Variants in METTL24 observed in about 807,000 individuals in gnomAD.
METTL24 encodes methyltransferase like 24, also known as probable methyltransferase-like protein 24.
METTL24 carries 29 observed loss-of-function variants against 32.7 expected under a neutral mutation model. The observed-to-expected ratio is 0.89, with a 90% CI of 0.66 to 1.21. The LOEUF is 1.21. Among genes scored for constraint, METTL24 ranks in the 50% most tolerant of loss-of-function variants. The pLI is 0.00. For synonymous variants in METTL24, 163 were observed against 179.5 expected (o/e 0.91, Z 0.73); for missense variants, 439 against 468.1 (o/e 0.94, Z 0.57).
intron 1 of METTL24, among the ~76,000 whole-genome samples, chr6:110,332,985 ATC>A (rs147496945): frequency 2.7e-5 from 4 of 150,678 alleles, no homozygotes; most frequent in African/African-American, 9.7e-5. Context: ...TGTAAGGATT[ATC>A]TCTCTCTCTC....
intron 4 of METTL24, among the ~76,000 whole-genome samples, chr6:110,248,420 T>G (rs1215755822): frequency 6.6e-6 from 1 of 152,224 alleles, no homozygotes; most frequent in Non-Finnish European, 1.5e-5. Flanking sequence ...TTGCCTTGGA[T>G]TGTACCTCCT....
chr6:110,270,007 C>G (rs975575404), intron 4 of METTL24, among the ~76,000 whole-genome samples: 6 of 152,116 alleles, frequency 3.9e-5, no homozygotes. Flanking sequence ...ACTTTTATTT[C>G]TTTGTTGATA....
At chr6:110,303,098 G>A (rs1322334559) in intron 3 of METTL24, among the ~76,000 whole-genome samples, 2 of 152,072 alleles carry the variant, frequency 1.3e-5, no homozygotes, top group Non-Finnish European at 2.9e-5. Context: ...AAGCCATGAG[G>A]GACCCTGCCA....
chr6:110,286,491 G>T lies in METTL24; in HGVS notation c.786+12431C>A, dbSNP rs73763010. Among the ~76,000 whole-genome samples, 1,165 of 152,248 alleles carry T rather than the reference G, an allele frequency of 7.7e-3. 9 individuals are homozygous for T. The highest frequency in any genetic ancestry group is 0.027 in the African/African-American group (1,111 of 41,548). On this transcript the variant is annotated intron_variant, in intron 4 of 4. Coordinates refer to ENST00000338882, the MANE Select transcript of METTL24 (RefSeq NM_001123364.3). ...ATGGTGTGTTGTTGATACTGTTTTG[G>T]TTTGTTGTCCAGCGTCCCCCATTCT...
At chr6:110,268,794 C>A (rs2114706984) in intron 4 of METTL24, among the ~76,000 whole-genome samples, 2 of 152,202 alleles carry the variant, frequency 1.3e-5, no homozygotes, top group South Asian at 4.2e-4. Flanking sequence ...TTAATATAAT[C>A]ACATAATAGG....
chr6:110,321,129 C>G (rs573122684), intron 2 of METTL24, among the ~76,000 whole-genome samples: 2 of 152,034 alleles, frequency 1.3e-5, no homozygotes, highest in Admixed American at 1.3e-4. Flanking sequence ...CCCAGCTACT[C>G]GGGAGGCTGA....
chr6:110,350,691 C>T (rs886835856), intron 1 of METTL24, among the ~76,000 whole-genome samples: 1 of 150,908 alleles, frequency 6.6e-6, no homozygotes, highest in African/African-American at 2.4e-5. Context: ...TTTGGGAGGC[C>T]AAGGTGGGAG....
At chr6:110,296,506 G>A (rs2334324) in intron 4 of METTL24, among the ~76,000 whole-genome samples, 20,102 of 152,052 alleles carry the variant, frequency 0.13, 3,060 homozygotes, top group African/African-American at 0.37. Context: ...TATAGTTTGA[G>A]GTTAAAATTA....
At position 110,275,995 on chromosome 6, in the gene METTL24, A is replaced by G. The variant is rs1771040606; in HGVS notation, c.786+22927T>C. 2.0e-5 allele frequency among the ~76,000 whole-genome samples: 3 copies of G among 152,118 alleles called. No individual in the cohort carries two copies. In the South Asian group the frequency reaches 6.2e-4, roughly 32 times the overall value. ...CCTCCTGTGCCTTCCCAGCCACAGC[A>G]TTCATTGTCAGATGCCCTCTGGCCA... On this transcript the variant is annotated intron_variant, in intron 4 of 4. Transcript: ENST00000338882.
chr6:110,353,316 C>A (rs1313528241), intron 1 of METTL24, among the ~76,000 whole-genome samples: 2 of 152,132 alleles, frequency 1.3e-5, no homozygotes, highest in Admixed American at 1.3e-4. Context: ...ACCTGAGGAG[C>A]TAGAAACTAC....
chr6:110,305,578 C>A (rs1771612607), intron 3 of METTL24, among the ~76,000 whole-genome samples: 3 of 137,518 alleles, frequency 2.2e-5, no homozygotes, highest in African/African-American at 5.8e-5. Context: ...TGAAAAAAAT[C>A]TCATCATCAC....
At chr6:110,357,027 G>A (rs1303903409) in intron 1 of METTL24, among the ~76,000 whole-genome samples, 5 of 152,180 alleles carry the variant, frequency 3.3e-5, no homozygotes. Context: ...GATGGGAAGC[G>A]GGGTGGAGGT....
At chr6:110,310,316 A>G (rs144175984) in intron 3 of METTL24, among the ~76,000 whole-genome samples, 17 of 152,320 alleles carry the variant, frequency 1.1e-4, no homozygotes, top group African/African-American at 4.1e-4. Context: ...CCCTTTTCAA[A>G]TCTTTCCTCT....
chr6:110,250,908 T>C (rs150770864), intron 4 of METTL24, among the ~76,000 whole-genome samples: 1 of 152,342 alleles, frequency 6.6e-6, no homozygotes, highest in African/African-American at 2.4e-5. Flanking sequence ...TGGGAACTCA[T>C]TCAGACTACT....
chr6:110,285,299 G>A (rs1771201990), intron 4 of METTL24, among the ~76,000 whole-genome samples: 1 of 152,208 alleles, frequency 6.6e-6, no homozygotes, highest in South Asian at 2.1e-4. Context: ...CTCCATGCTA[G>A]GAAATTTGTG....
intron 4 of METTL24, among the ~76,000 whole-genome samples, chr6:110,292,773 T>A (rs1456839223): frequency 6.6e-6 from 1 of 152,016 alleles, no homozygotes; most frequent in Non-Finnish European, 1.5e-5. Context: ...AAAACTTTAT[T>A]GGTTTAAATT....
chr6:110,247,897 A>G (rs541136066), intron 4 of METTL24, among the ~76,000 whole-genome samples: 41 of 152,208 alleles, frequency 2.7e-4, no homozygotes, highest in African/African-American at 9.4e-4. Context: ...GTCCCCTCCA[A>G]ATATCATTTT....
At chr6:110,298,080 C>T (rs1424545696) in intron 4 of METTL24, among the ~76,000 whole-genome samples, 1 of 152,138 alleles carries the variant, frequency 6.6e-6, no homozygotes, top group Non-Finnish European at 1.5e-5. Context: ...GAAGCCAACT[C>T]AAGTTTAAAA....
chr6:110,267,482 T>G (rs1770877026), intron 4 of METTL24, among the ~76,000 whole-genome samples: 1 of 152,218 alleles, frequency 6.6e-6, no homozygotes, highest in African/African-American at 2.4e-5. Flanking sequence ...TTAGTAAACA[T>G]GCTTAGACAA....
Sources: allele counts gnomAD v4.1 joint callset (sites outside exome capture counted in the v4.1 genomes callset), GRCh38; gene constraint gnomAD v4.1.1; transcripts MANE v1.5; gene names NCBI Gene and HGNC (gene_info 2026-07-23, HGNC 2026-07-21).